The following PRAMEF4 variants were observed in gnomAD, a reference collection of about 807,000 sequenced individuals.
The protein encoded by PRAMEF4 is PRAME family member 4.
A neutral mutation model predicts 34.4 loss-of-function variants in PRAMEF4; 18 were observed. The observed-to-expected ratio is 0.52, with a 90% CI of 0.36 to 0.78. The LOEUF (loss-of-function observed/expected upper bound fraction) is 0.78, where lower values mean the gene tolerates loss of function less well. Among genes scored for constraint, PRAMEF4 ranks in the 30% least tolerant of loss-of-function variants. The pLI, the probability that PRAMEF4 is intolerant of heterozygous loss-of-function variation, is 0.00. For missense variants in PRAMEF4, 482 were observed against 569.1 expected, an observed-to-expected ratio of 0.85 and a Z score of 1.56; for synonymous variants, 156 against 219.3, an observed-to-expected ratio of 0.71 and a Z score of 2.55.
At chr1:12,885,397 C>G (rs1569889461) in intron 1 of PRAMEF4, among the ~76,000 whole-genome samples, 1 of 149,928 alleles carries the variant, frequency 6.7e-6, no homozygotes. Context: ...CTCTCTTTTG[C>G]CCAGGCTGGA....
Position 12,879,825 on chromosome 1 carries a change from T to C in PRAMEF4, c.1156A>G (p.Ser386Gly), listed in dbSNP as rs745587715. The change falls in exon 4 of 4, where the codon AGC (serine) becomes GGC (glycine). Residue 386 changes from serine to glycine, a missense_variant. Ser to Gly is a moderately conservative substitution (Grantham distance 56). Transcript: ENST00000235349. ...ATGCAGATGGGATTTCCACAGAAGC[T>C]GAAGGTGTTGAGCTCAAAGCAGCGG... ...LSRCFELNTF[S>G]FCGNPICMAT... 2 of 1,599,636 alleles carry C rather than the reference T, an allele frequency of 1.3e-6. No homozygotes were observed. Among genetic ancestry groups the C allele is most frequent in the South Asian group, 1.1e-5 (1 of 90,246 alleles).
chr1:12,886,138 G>A lies in PRAMEF4; in HGVS notation c.-17+9C>T, dbSNP rs1264244405. On this transcript the variant is annotated intron_variant, in intron 1 of 3. Transcript: ENST00000235349. ...GATGGGAGTGTCCTTACAGAAATTA[G>A]TGACTTACCAGATCTGGATGTAGTC... is the stretch of plus-strand genomic sequence containing the variant. 1 of 139,370 alleles carries A rather than the reference G, an allele frequency of 7.2e-6. No individual in the cohort carries two copies. The highest frequency in any genetic ancestry group is 1.5e-5 in the Non-Finnish European group (1 of 65,160). The allele number at this position is 139,370 out of a possible 1,614,324, so 8.6% of individuals were successfully genotyped here.
At chr1:12,885,707 C>G (rs561200790) in intron 1 of PRAMEF4, among the ~76,000 whole-genome samples, 2 of 146,706 alleles carry the variant, frequency 1.4e-5, no homozygotes, top group African/African-American at 5.1e-5. Flanking sequence ...ATTGCTTGAA[C>G]CCGGGAAGTA....
Position 12,884,043 on chromosome 1 carries a change from G to C in PRAMEF4, c.-16-633C>G, listed in dbSNP as rs2266523. Among the ~76,000 whole-genome samples the C allele has an allele frequency of 2.5e-3, 362 of 145,296 alleles. 7 individuals are homozygous for C. The East Asian group carries it at 0.044, about 18-fold the overall frequency. On this transcript the variant is annotated intron_variant, in intron 1 of 3. Transcript: ENST00000235349. ...TCACTCTTTCTGACAGAGTCTTGCTGTGTCACCCAGCCTGGAGTGTAGTGG... is the reference window on the plus strand; with the variant it reads ...TCACTCTTTCTGACAGAGTCTTGCTCTGTCACCCAGCCTGGAGTGTAGTGG...
intron 3 of PRAMEF4, among the ~76,000 whole-genome samples, chr1:12,880,439 G>C (rs1200025785): frequency 6.6e-6 from 1 of 150,564 alleles, no homozygotes; most frequent in East Asian, 2.0e-4. Context: ...AGCCAGGTGT[G>C]GTGGGGGGAG....
chr1:12,881,005 C>A (rs751705756), intron 3 of PRAMEF4, among the ~76,000 whole-genome samples: 1 of 147,924 alleles, frequency 6.8e-6, no homozygotes, highest in Non-Finnish European at 1.5e-5. Flanking sequence ...CTGACAAGTG[C>A]AGGTTTGCTG....
chr1:12,883,037 C>G (rs4379684), intron 2 of PRAMEF4, 65 bp downstream of exon 2: 5 of 1,569,034 alleles, frequency 3.2e-6, no homozygotes, highest in African/African-American at 2.8e-5. Context: ...TCACTTCTCA[C>G]GACCCAGCTG....
chr1:12,883,168 C>T lies in PRAMEF4; in HGVS notation c.227G>A (p.Cys76Tyr), dbSNP rs148549660. 4,466 of 1,601,498 alleles carry T rather than the reference C, an allele frequency of 2.8e-3. 313 individuals are homozygous for T. Among genetic ancestry groups the T allele is most frequent in the Non-Finnish European group, 3.3e-3 (3,894 of 1,174,190 alleles). Residue 76 changes from cysteine (C) to tyrosine (Y), a missense_variant, in exon 2 of 4, where the codon TGT becomes TAT. Around this residue, in one of 6 missense-constraint regions of PRAMEF4, gnomAD observed 172 missense variants for 130.2 expected, o/e 1.32. Coordinates refer to ENST00000235349, the MANE Select transcript of PRAMEF4 (RefSeq NM_001009611.4). ...LPLRPLIKMP[C>Y]LEAFQAVLDG... ...GAGCACAGCTTGGAAGGCCTCCAGA[C>T]AAGGCATCTTTATCAGAGGCCTCAG...
rs549883854 is a variant in PRAMEF4, at chr1:12,880,243, T to C, written c.876-138A>G. 62 of 1,451,570 alleles carry C rather than the reference T, an allele frequency of 4.3e-5. 1 individual carries two copies. The East Asian group carries it at 1.3e-3, about 31-fold the overall frequency. The allele number at this position is 1,451,570 out of a possible 1,614,324, so 89.9% of individuals were successfully genotyped here. ...ATTCTGATGGCCTGATGGTCAACAC[T>C]TAGGATGATGTGTGATGAAGAGCTT... On this transcript the variant is annotated intron_variant, in intron 3 of 3. Coordinates refer to ENST00000235349, the MANE Select transcript of PRAMEF4 (RefSeq NM_001009611.4).
chr1:12,882,328 T>C lies in PRAMEF4; in HGVS notation c.401A>G (p.Lys134Arg), dbSNP rs201974001. 3.9e-6 allele frequency: 6 copies of C among 1,528,724 alleles called. No homozygotes were observed. The highest frequency in any genetic ancestry group is 5.3e-6 in the Non-Finnish European group (6 of 1,124,086). 94.7% of individuals were successfully genotyped at this position (1,528,724 alleles called of 1,614,324 possible). A position where few individuals can be genotyped will look rare whatever the true frequency, so the allele number is the denominator to read the frequency against. ...HGCFLNAKRN[K>R]KPVEDCPRMK... ...CCTTGGACAGTCCTCCACTGGTTTT[T>C]TGTTCCTCTTGGCATTGAGGAAGCA... The change falls in exon 3 of 4, where the codon AAA becomes AGA. Residue 134 changes from lysine to arginine, a missense_variant. Lys to Arg is a conservative substitution (Grantham distance 26, BLOSUM62 2). Around this residue, in one of 6 missense-constraint regions of PRAMEF4, gnomAD observed 72 missense variants for 128.9 expected, o/e 0.56. Coordinates refer to ENST00000235349, the MANE Select transcript of PRAMEF4 (RefSeq NM_001009611.4).
chr1:12,880,897 TAATTA>T (rs1477924066), intron 3 of PRAMEF4, among the ~76,000 whole-genome samples: 1 of 146,640 alleles, frequency 6.8e-6, no homozygotes, highest in African/African-American at 2.6e-5. Context: ...ATTGCCTAGA[TAATTA>T]ATTTACCTGG....
In PRAMEF4 at chr1:12,885,003, G is replaced by A. The variant is rs540392083; in HGVS notation, c.-17+1144C>T. ...AAACTTGAAAGTATCTTTGTTGAGG[G>A]ATCCTTGGCCACATCAAATTTATCA... On this transcript the variant is annotated intron_variant, in intron 1 of 3. Coordinates refer to ENST00000235349, the MANE Select transcript of PRAMEF4 (RefSeq NM_001009611.4). Among the ~76,000 whole-genome samples, 9 of 150,538 alleles carry A rather than the reference G, an allele frequency of 6.0e-5. No homozygotes were observed. In the East Asian group the frequency reaches 1.6e-3, roughly 26 times the overall value.
chr1:12,881,114 C>G (rs1490729545), intron 3 of PRAMEF4, among the ~76,000 whole-genome samples: 4 of 147,970 alleles, frequency 2.7e-5, no homozygotes, highest in Admixed American at 6.9e-5. Context: ...GCCTATAATC[C>G]CAGCACTTTG....
At position 12,883,341 on chromosome 1, in the gene PRAMEF4, G is replaced by T; in HGVS notation, c.54C>A (p.Ser18Arg). 1 of 1,600,382 alleles carries T rather than the reference G, an allele frequency of 6.2e-7. No individual in the cohort carries two copies. The highest frequency in any genetic ancestry group is 8.5e-7 in the Non-Finnish European group (1 of 1,173,364). Residue 18 changes from serine (S) to arginine (R), a missense_variant, in exon 2 of 4, where the codon AGC becomes AGA. Ser to Arg is a moderately radical substitution (Grantham distance 110). This residue lies in a region of PRAMEF4 where 172 missense variants were observed against 130.2 expected (regional missense o/e 1.32). Coordinates refer to ENST00000235349, the MANE Select transcript of PRAMEF4 (RefSeq NM_001009611.4). ...PPRLLELAGR[S>R]LLRDQALAMS... ...TGGCCAAAGCTTGGTCCCTTAGCAG[G>T]CTCCGCCCTGCAAGCTCCAGGAGTC...
chr1:12,882,558 C>G (rs1267034228), intron 2 of PRAMEF4, 123 bp from the exon 3 acceptor site: 1 of 1,313,218 alleles, frequency 7.6e-7, no homozygotes, highest in Non-Finnish European at 1.0e-6. Context: ...TTTCTTCACT[C>G]TGTTTTCCCC....
intron 1 of PRAMEF4, 104 bp from the exon 2 acceptor site, chr1:12,883,514 A>T (rs1640936416): frequency 2.1e-6 from 3 of 1,444,292 alleles, no homozygotes; most frequent in Admixed American, 2.1e-5. Flanking sequence ...ATGGTGAAAG[A>T]GTCCTCAGTT....
intron 1 of PRAMEF4, 85 bp downstream of exon 1, chr1:12,886,062 T>TGCCATCGTAGGCTGCACTGTC (rs1553167435): frequency 7.6e-6 from 1 of 132,088 alleles, no homozygotes; most frequent in East Asian, 2.2e-4. Context: ...TATAGCTCTG[T>TGCCATCGTAGGCTGCACTGTC]GCCATCGTAG....
intron 1 of PRAMEF4, among the ~76,000 whole-genome samples, chr1:12,883,961 G>C (rs1438650836): frequency 9.0e-6 from 1 of 111,498 alleles, no homozygotes; most frequent in East Asian, 2.5e-4. Flanking sequence ...TTTCTTTCTT[G>C]TCTTCTTTCC....
At chr1:12,881,171 A>T (rs6657806) in intron 3 of PRAMEF4, among the ~76,000 whole-genome samples, 1 of 147,756 alleles carries the variant, frequency 6.8e-6, no homozygotes, top group Non-Finnish European at 1.5e-5. Context: ...TTGGAGAATA[A>T]CCTGGCCAAC....
Sources: allele counts gnomAD v4.1 joint callset (sites outside exome capture counted in the v4.1 genomes callset), GRCh38; gene constraint gnomAD v4.1.1; regional missense constraint gnomAD v4.1.1; transcripts MANE v1.5; gene names NCBI Gene and HGNC (gene_info 2026-07-23, HGNC 2026-07-21).